Variants in NAALADL2 observed in about 807,000 individuals in gnomAD.
NAALADL2 encodes the protein inactive N-acetylated-alpha-linked acidic dipeptidase-like protein 2.
In NAALADL2, 76 loss-of-function variants were observed where a neutral mutation model predicts 87.2. The observed-to-expected ratio is 0.87, with a 90% CI of 0.72 to 1.05. The LOEUF (loss-of-function observed/expected upper bound fraction) is 1.05, where lower values mean the gene tolerates loss of function less well. Among genes scored for constraint, NAALADL2 ranks in the 50% least tolerant of loss-of-function variants. NAALADL2 has a pLI of 0.00. For missense variants in NAALADL2, 1,089 were observed against 945.8 expected (o/e 1.15, Z -1.99); for synonymous variants, 354 against 331.0 (o/e 1.07, Z -0.75).
intron 13 of NAALADL2, among the ~76,000 whole-genome samples, chr3:175,786,750 C>A (rs184655821): frequency 6.6e-6 from 1 of 151,874 alleles, no homozygotes; most frequent in Non-Finnish European, 1.5e-5. Flanking sequence ...TGAGGAACTG[C>A]GTTCCTTTGG....
At chr3:175,571,541 A>T (rs1307993347) in intron 9 of NAALADL2, among the ~76,000 whole-genome samples, 4 of 152,192 alleles carry the variant, frequency 2.6e-5, no homozygotes, top group Non-Finnish European at 1.5e-5. Flanking sequence ...AGTCTCTCAA[A>T]TATTAATGCT....
chr3:174,902,171 A>C (rs934562571), intron 1 of NAALADL2, among the ~76,000 whole-genome samples: 1 of 152,092 alleles, frequency 6.6e-6, no homozygotes, highest in Non-Finnish European at 1.5e-5. Flanking sequence ...AAATAGCTAA[A>C]CCCTTTTGTC....
intron 12 of NAALADL2, among the ~76,000 whole-genome samples, chr3:175,750,810 A>G (rs1746531724): frequency 1.3e-5 from 2 of 152,102 alleles, no homozygotes; most frequent in Admixed American, 1.3e-4. Flanking sequence ...GTGTGTTTAG[A>G]TGTATATGTA....
intron 2 of NAALADL2, among the ~76,000 whole-genome samples, chr3:175,157,606 A>G (rs1012307866): frequency 6.6e-6 from 1 of 152,096 alleles, no homozygotes; most frequent in African/African-American, 2.4e-5. Context: ...TTCCATCCAC[A>G]TTTGAACAGT....
chr3:175,086,977 A>G (rs1719081215), intron 1 of NAALADL2, among the ~76,000 whole-genome samples: 1 of 152,108 alleles, frequency 6.6e-6, no homozygotes, highest in South Asian at 2.1e-4. Flanking sequence ...TGTATTATTG[A>G]AAGAATAATT....
chr3:175,164,219 A>C, intron 2 of NAALADL2, among the ~76,000 whole-genome samples: 1 of 152,084 alleles, frequency 6.6e-6, no homozygotes. Flanking sequence ...ACAAGGAAAA[A>C]GAATGAGTAA....
intron 1 of NAALADL2, among the ~76,000 whole-genome samples, chr3:175,052,762 G>A (rs568753272): frequency 6.6e-6 from 1 of 152,208 alleles, no homozygotes; most frequent in East Asian, 1.9e-4. Flanking sequence ...ATCTTATTAA[G>A]AGCTGTTAAT....
intron 1 of NAALADL2, among the ~76,000 whole-genome samples, chr3:174,938,217 T>C (rs1222775907): frequency 6.6e-6 from 1 of 152,150 alleles, no homozygotes; most frequent in African/African-American, 2.4e-5. Flanking sequence ...TGTTGCTTTA[T>C]TCTTTGTATT....
At chr3:174,806,162 T>A (rs1719455401) in intron 3 of NAALADL2, among the ~76,000 whole-genome samples, 2 of 152,206 alleles carry the variant, frequency 1.3e-5, no homozygotes, top group Admixed American at 1.3e-4. Flanking sequence ...AAAGCCCATT[T>A]TAACATGGAG....
At chr3:174,665,239 A>T (rs1354543323) in intron 2 of NAALADL2, among the ~76,000 whole-genome samples, 1 of 152,176 alleles carries the variant, frequency 6.6e-6, no homozygotes, top group Non-Finnish European at 1.5e-5. Flanking sequence ...GAAACCAAAC[A>T]GCCCTAAGAA....
chr3:174,799,400 C>T (rs1171230300), intron 3 of NAALADL2, among the ~76,000 whole-genome samples: 1 of 151,962 alleles, frequency 6.6e-6, no homozygotes, highest in African/African-American at 2.4e-5. Flanking sequence ...CTTTCTCGTG[C>T]TGTTCTCATC....
At chr3:175,397,986 T>C (rs149672704) in intron 5 of NAALADL2, among the ~76,000 whole-genome samples, 1 of 152,200 alleles carries the variant, frequency 6.6e-6, no homozygotes, top group Non-Finnish European at 1.5e-5. Flanking sequence ...ATTTACAAAA[T>C]TGAAGTGTTG....
intron 2 of NAALADL2, among the ~76,000 whole-genome samples, chr3:174,735,556 AT>A (rs1370308077): frequency 6.6e-6 from 1 of 151,574 alleles, no homozygotes; most frequent in Non-Finnish European, 1.5e-5. Context: ...TCTCCTTCAT[AT>A]TTTTTTGTTG....
At chr3:175,552,386 T>C (rs1714559437) in intron 9 of NAALADL2, among the ~76,000 whole-genome samples, 1 of 152,180 alleles carries the variant, frequency 6.6e-6, no homozygotes, top group South Asian at 2.1e-4. Context: ...AAATTTTGCA[T>C]GGAAATTTTT....
chr3:174,778,592 T>G (rs1476921185), intron 3 of NAALADL2, among the ~76,000 whole-genome samples: 1 of 152,084 alleles, frequency 6.6e-6, no homozygotes, highest in Non-Finnish European at 1.5e-5. Flanking sequence ...ACCTGTCATC[T>G]ACATTGTGTA....
At chr3:174,451,835 T>G (rs1715499607) in intron 1 of NAALADL2, among the ~76,000 whole-genome samples, 1 of 146,118 alleles carries the variant, frequency 6.8e-6, no homozygotes, top group South Asian at 2.2e-4. Flanking sequence ...GTGCTAAGGA[T>G]AGTGGGAGTT....
chr3:175,786,911 T>G (rs1385844612), intron 13 of NAALADL2, among the ~76,000 whole-genome samples: 5 of 152,162 alleles, frequency 3.3e-5, no homozygotes, highest in African/African-American at 1.2e-4. Context: ...CCTTTCTGTT[T>G]GTTAGTTTTC....
chr3:174,541,126 T>A (rs1267134466), intron 1 of NAALADL2, among the ~76,000 whole-genome samples: 1 of 152,206 alleles, frequency 6.6e-6, no homozygotes, highest in Non-Finnish European at 1.5e-5. Flanking sequence ...TTAAACTGAA[T>A]ATTTATCCCT....
intron 2 of NAALADL2, among the ~76,000 whole-genome samples, chr3:175,209,628 A>T (rs1177791760): frequency 6.6e-6 from 1 of 152,002 alleles, no homozygotes; most frequent in African/African-American, 2.4e-5. Context: ...GATTAAGTAC[A>T]CATAAATAGA....
Sources: gnomAD v4.1 joint callset for allele counts (sites outside exome capture counted in the v4.1 genomes callset) on GRCh38, gnomAD v4.1.1 for gene constraint, MANE v1.5 for transcripts, NCBI Gene and HGNC (gene_info 2026-07-23, HGNC 2026-07-21) for gene names.